Variants in DAPK1 observed in about 807,000 individuals in gnomAD.
DAPK1 encodes the protein death associated protein kinase 1, also known as death-associated protein kinase 1.
DAPK1 carries 56 observed loss-of-function variants against 144.9 expected under a neutral mutation model. The ratio of observed to expected loss-of-function variants is 0.39; its 90% CI spans 0.31 to 0.48. The LOEUF (loss-of-function observed/expected upper bound fraction) is 0.48, where lower values mean the gene tolerates loss of function less well. DAPK1 is among the 20% of genes least tolerant of loss of function. The probability of loss-of-function intolerance (pLI) is 0.95; values close to 1 mark genes in which losing one functional copy is unlikely to be tolerated. For missense variants in DAPK1, 1,454 were observed against 1,875.4 expected (o/e 0.78, Z 4.15); for synonymous variants, 690 against 749.0 (o/e 0.92, Z 1.29).
chr9:87,509,464 G>A (rs377042604), intron 2 of DAPK1, among the ~76,000 whole-genome samples: 6 of 152,040 alleles, frequency 3.9e-5, no homozygotes, highest in African/African-American at 1.2e-4. Context: ...GGGTTCAAGC[G>A]ATTCTCCTGC....
chr9:87,663,491 C>G (rs913163715), intron 18 of DAPK1, among the ~76,000 whole-genome samples: 1 of 152,132 alleles, frequency 6.6e-6, no homozygotes, highest in African/African-American at 2.4e-5. Flanking sequence ...TCCACCCAAG[C>G]CCCAGCTGCT....
At chr9:87,589,915 T>C (rs1828065423) in intron 2 of DAPK1, among the ~76,000 whole-genome samples, 2 of 152,170 alleles carry the variant, frequency 1.3e-5, no homozygotes, top group South Asian at 2.1e-4. Context: ...CACCAAAATA[T>C]CATGAAAAAT....
chr9:87,641,573 A>G (rs1830095328), intron 9 of DAPK1, among the ~76,000 whole-genome samples: 1 of 152,192 alleles, frequency 6.6e-6, no homozygotes, highest in African/African-American at 2.4e-5. Flanking sequence ...ATACAATACA[A>G]GGAATTCTCC....
chr9:87,572,975 C>T (rs568049145), intron 2 of DAPK1, among the ~76,000 whole-genome samples: 1 of 152,144 alleles, frequency 6.6e-6, no homozygotes, highest in Non-Finnish European at 1.5e-5. Flanking sequence ...AAACACACAG[C>T]TCTCCTCCCA....
chr9:87,676,767 G>T (rs1824399153), intron 19 of DAPK1, among the ~76,000 whole-genome samples: 1 of 152,206 alleles, frequency 6.6e-6, no homozygotes, highest in Admixed American at 6.5e-5. Flanking sequence ...GCCCTATTCA[G>T]GAAGTGCCTT....
At position 87,573,336 on chromosome 9, in the gene DAPK1, C is replaced by G. The variant is rs767816379; in HGVS notation, c.63-31618C>G. On this transcript the variant is annotated intron_variant, in intron 2 of 25. Coordinates refer to ENST00000408954, the MANE Select transcript of DAPK1 (RefSeq NM_004938.4). ...CCAGGCAAGCCCATCGTGCACTGCA[C>G]ATTCCTCATAGGCACTAAAGCTCTG... 2.6e-5 allele frequency among the ~76,000 whole-genome samples: 4 copies of G among 152,244 alleles called. No homozygotes were observed. In the South Asian group the frequency reaches 6.2e-4, roughly 24 times the overall value.
chr9:87,587,326 A>G (rs1827971092), intron 2 of DAPK1, among the ~76,000 whole-genome samples: 1 of 152,194 alleles, frequency 6.6e-6, no homozygotes, highest in Non-Finnish European at 1.5e-5. Context: ...TTGTTTTCTA[A>G]CATTGAACAT....
At chr9:87,578,229 A>G (rs1827631669) in intron 2 of DAPK1, among the ~76,000 whole-genome samples, 1 of 152,198 alleles carries the variant, frequency 6.6e-6, no homozygotes, top group South Asian at 2.1e-4. Flanking sequence ...TTGCATCTAT[A>G]TGTCCTTTTT....
chr9:87,633,145 A>T (rs1380858736), intron 3 of DAPK1: 1 of 983,198 alleles, frequency 1.0e-6, no homozygotes, highest in Non-Finnish European at 1.2e-6. Flanking sequence ...ACATGTAGGG[A>T]TGAAGGAGGA....
intron 5 of DAPK1, 24 bp downstream of exon 5, chr9:87,639,507 C>A: frequency 1.2e-6 from 2 of 1,610,484 alleles, no homozygotes; most frequent in South Asian, 1.1e-5. Context: ...CTCCTGTGGT[C>A]ATTTACGTCT....
intron 4 of DAPK1, among the ~76,000 whole-genome samples, chr9:87,638,292 AT>A (rs1352460741): frequency 6.6e-6 from 1 of 152,230 alleles, no homozygotes; most frequent in Middle Eastern, 3.2e-3. Context: ...CTTAATGATA[AT>A]TGATTACATT....
chr9:87,578,703 T>C (rs1827646008), intron 2 of DAPK1, among the ~76,000 whole-genome samples: 1 of 152,232 alleles, frequency 6.6e-6, no homozygotes, highest in African/African-American at 2.4e-5. Flanking sequence ...TTTGCCACTT[T>C]GCAGAGCCAA....
chr9:87,578,768 A>G (rs1827648482), intron 2 of DAPK1, among the ~76,000 whole-genome samples: 1 of 152,226 alleles, frequency 6.6e-6, no homozygotes, highest in South Asian at 2.1e-4. Flanking sequence ...ACAGATTCCT[A>G]CACCCATGTG....
intron 2 of DAPK1, among the ~76,000 whole-genome samples, chr9:87,540,492 G>A (rs1826009951): frequency 6.6e-6 from 1 of 152,038 alleles, no homozygotes; most frequent in African/African-American, 2.4e-5. Context: ...TGCCTGGCCT[G>A]TTGTTAATCT....
intron 2 of DAPK1, among the ~76,000 whole-genome samples, chr9:87,559,111 C>T (rs7020669): frequency 0.34 from 51,985 of 152,032 alleles, 9,215 homozygotes; most frequent in Middle Eastern, 0.51. Context: ...TACTCTGAGA[C>T]GGGGATTTTG....
At chr9:87,571,528 C>CACACACACA (rs55676810) in intron 2 of DAPK1, among the ~76,000 whole-genome samples, 6 of 135,706 alleles carry the variant, frequency 4.4e-5, no homozygotes, top group Non-Finnish European at 7.7e-5. Flanking sequence ...CACACACACA[C>CACACACACA]CAGAAGCGAA....
chr9:87,668,193 A>C (rs1831124967), intron 18 of DAPK1: 1 of 190,230 alleles, frequency 5.3e-6, no homozygotes, highest in South Asian at 1.1e-4. Flanking sequence ...CCCTGTAAGG[A>C]TTATAACACA....
rs144970086 is a variant in DAPK1 at position 87,525,989 on chromosome 9, C to G, written c.62+26850C>G. On this transcript the variant is annotated intron_variant, in intron 2 of 25. Transcript: ENST00000408954. ...GGTTTTGCTCTTTTACTGATTTCTA[C>G]TAGATTTTTTGGCTCCTTTTAAAGG... Among the ~76,000 whole-genome samples the G allele has an allele frequency of 4.3e-3, 647 of 152,054 alleles. 3 individuals carry two copies. The highest frequency in any genetic ancestry group is 0.015 in the African/African-American group (606 of 41,474).
intron 21 of DAPK1, among the ~76,000 whole-genome samples, chr9:87,689,790 G>T (rs1464176536): frequency 6.6e-6 from 1 of 151,952 alleles, no homozygotes; most frequent in Non-Finnish European, 1.5e-5. Flanking sequence ...TGTTCTTATT[G>T]CCTCTGTCAA....
Sources: gnomAD v4.1 joint callset for allele counts (sites outside exome capture counted in the v4.1 genomes callset) on GRCh38, gnomAD v4.1.1 for gene constraint, MANE v1.5 for transcripts, NCBI Gene and HGNC (gene_info 2026-07-23, HGNC 2026-07-21) for gene names.